NKD1: variants seen among roughly 807,000 people sequenced by gnomAD.
NKD1 encodes NKD inhibitor of Wnt signaling pathway 1.
Under a neutral mutation model 56.0 loss-of-function variants are expected in NKD1, and 21 were observed. The observed-to-expected ratio is 0.38, with a 90% CI of 0.27 to 0.54. NKD1 has a LOEUF of 0.54. NKD1 is among the 20% of genes least tolerant of loss of function. The pLI is 0.82. For missense variants in NKD1, 578 were observed against 642.7 expected (o/e 0.90, Z 1.09); for synonymous variants, 263 against 265.7 (o/e 0.99, Z 0.10).
At chr16:50,550,802 G>A (rs1256162757) in intron 3 of NKD1, among the ~76,000 whole-genome samples, 3 of 152,076 alleles carry the variant, frequency 2.0e-5, no homozygotes, top group Non-Finnish European at 4.4e-5. Context: ...CAACGAAAAC[G>A]GTCTAATTTA....
chr16:50,605,757 G>T (rs1295387245), intron 3 of NKD1, among the ~76,000 whole-genome samples: 2 of 152,192 alleles, frequency 1.3e-5, no homozygotes, highest in Non-Finnish European at 2.9e-5. Flanking sequence ...GCCTCAGGGA[G>T]TTTTGGAACC....
chr16:50,573,381 C>G (rs1960925644), intron 3 of NKD1, among the ~76,000 whole-genome samples: 1 of 152,240 alleles, frequency 6.6e-6, no homozygotes, highest in Non-Finnish European at 1.5e-5. Flanking sequence ...ATTCCCTGTT[C>G]CTTCTCCCCC....
At chr16:50,554,844 T>A (rs1318082034) in intron 3 of NKD1, among the ~76,000 whole-genome samples, 2 of 152,126 alleles carry the variant, frequency 1.3e-5, no homozygotes, top group African/African-American at 4.8e-5. Flanking sequence ...TGGATTGAAC[T>A]CCTGGCCTCA....
chr16:50,606,441 G>A (rs1432272562), intron 3 of NKD1: 2 of 282,354 alleles, frequency 7.1e-6, no homozygotes, highest in Non-Finnish European at 1.4e-5. Context: ...TCCAGAGCAG[G>A]GTACTGTTGA....
chr16:50,616,641 G>C (rs1224097876), intron 4 of NKD1, among the ~76,000 whole-genome samples: 1 of 152,318 alleles, frequency 6.6e-6, no homozygotes, highest in East Asian at 1.9e-4. Flanking sequence ...GAAGGCGCCA[G>C]ATCTCAAGAA....
intron 3 of NKD1, among the ~76,000 whole-genome samples, chr16:50,580,096 G>A (rs1253446471): frequency 6.6e-6 from 1 of 152,016 alleles, no homozygotes; most frequent in Non-Finnish European, 1.5e-5. Context: ...AACCCACTAA[G>A]CATGCACCCC....
intron 3 of NKD1, among the ~76,000 whole-genome samples, chr16:50,603,266 C>T (rs1042304975): frequency 6.6e-6 from 1 of 152,222 alleles, no homozygotes; most frequent in Non-Finnish European, 1.5e-5. Flanking sequence ...ACTGCCAGGT[C>T]GATCTGGACG....
rs1216226999 is a variant in NKD1, at chr16:50,648,390, C to T, written c.*14609C>T. 4 of 152,840 alleles carry T rather than the reference C, an allele frequency of 2.6e-5. No individual in the cohort carries two copies. Among genetic ancestry groups the T allele is most frequent in the Non-Finnish European group, 4.4e-5 (3 of 68,072 alleles). 9.5% of individuals were successfully genotyped at this position (152,840 alleles called of 1,614,324 possible). On this transcript the variant is annotated 3_prime_UTR_variant, in exon 10 of 10. Coordinates refer to ENST00000268459, the MANE Select transcript of NKD1 (RefSeq NM_033119.5). ...TTCTGCCCCATCCACTAGACAAAAG[C>T]TGACTCTGGAAAACATTAGGCACTC...
rs1157950262 is a variant in NKD1 at position 50,621,454 on chromosome 16, T to A, written c.260-148T>A. 4 of 587,786 alleles carry A rather than the reference T, an allele frequency of 6.8e-6. No homozygotes were observed. In the African/African-American group the frequency reaches 7.5e-5, roughly 11 times the overall value. The allele number at this position is 587,786 out of a possible 1,614,324, so 36.4% of individuals were successfully genotyped here. A position where few individuals can be genotyped will look rare whatever the true frequency, so the allele number is the denominator to read the frequency against. On this transcript the variant is annotated intron_variant, in intron 4 of 9. Coordinates refer to ENST00000268459, the MANE Select transcript of NKD1 (RefSeq NM_033119.5). The stretch of plus-strand genomic sequence containing the variant: ...TACCAGGTGCCAGAGTAGTGTGATG[T>A]TGACCCCAGCAAATGGGCAGGGCAG...
chr16:50,574,660 T>TCCCCTC (rs1366338681), intron 3 of NKD1: 8 of 984,874 alleles, frequency 8.1e-6, no homozygotes, highest in Non-Finnish European at 9.6e-6. Context: ...AGCCAGGGGG[T>TCCCCTC]CCCCTCCCCA....
chr16:50,566,312 T>C (rs1960758185), intron 3 of NKD1: 2 of 350,610 alleles, frequency 5.7e-6, no homozygotes. Flanking sequence ...CATCTCTGCT[T>C]TCTTTTAGAT....
In NKD1 at chr16:50,637,611, A is replaced by G. The variant is rs970211040; in HGVS notation, c.*3830A>G. ...TACTGAATAATGAGGAATCAAAGGA[A>G]GAAGAAGAAAGAGAGAGGAAGGAAG... On this transcript the variant is annotated 3_prime_UTR_variant, in exon 10 of 10. Transcript: ENST00000268459. 6.6e-6 allele frequency: 1 copy of G among 152,280 alleles called. No homozygotes were observed. The highest frequency in any genetic ancestry group is 2.4e-5 in the African/African-American group (1 of 41,456). The allele number at this position is 152,280 out of a possible 1,614,324, so 9.4% of individuals were successfully genotyped here. A position where few individuals can be genotyped will look rare whatever the true frequency, so the allele number is the denominator to read the frequency against.
chr16:50,618,989 G>A (rs1009623565), intron 4 of NKD1, among the ~76,000 whole-genome samples: 2 of 152,106 alleles, frequency 1.3e-5, no homozygotes, highest in Admixed American at 1.3e-4. Context: ...GAGAGAGCAG[G>A]GACAGAGGTT....
chr16:50,606,855 TTC>T (rs1961723112), intron 3 of NKD1: 1 of 456,636 alleles, frequency 2.2e-6, no homozygotes, highest in Non-Finnish European at 4.4e-6. Flanking sequence ...CCCGTCTCTC[TTC>T]TGCATGAAAG....
intron 6 of NKD1, among the ~76,000 whole-genome samples, chr16:50,627,368 C>T (rs905558049): frequency 5.3e-5 from 8 of 152,182 alleles, no homozygotes; most frequent in Admixed American, 1.3e-4. Flanking sequence ...TTTCAACCTG[C>T]GTTGTCCTTC....
At chr16:50,548,667 CCCGCCGCCGCGGCTG>C (rs1960293600) in intron 1 of NKD1, 35 bp from the exon 2 acceptor site, 8 of 1,465,760 alleles carry the variant, frequency 5.5e-6, no homozygotes, top group Admixed American at 2.5e-5. Context: ...CTTTCCTTCT[CCCGCCGCCGCGGCTG>C]CCGCCGCCGC....
At chr16:50,569,321 T>A (rs374019249) in intron 3 of NKD1, among the ~76,000 whole-genome samples, 3 of 152,212 alleles carry the variant, frequency 2.0e-5, no homozygotes, top group Admixed American at 6.5e-5. Context: ...CTTGTGCAGT[T>A]TCGCCCATGA....
intron 4 of NKD1, among the ~76,000 whole-genome samples, chr16:50,614,856 A>G (rs1961925577): frequency 6.6e-6 from 1 of 152,208 alleles, no homozygotes. Context: ...ATGACCACAT[A>G]AACACCTTGC....
At chr16:50,599,892 G>A (rs1464870189) in intron 3 of NKD1, among the ~76,000 whole-genome samples, 1 of 152,160 alleles carries the variant, frequency 6.6e-6, no homozygotes, top group South Asian at 2.1e-4. Context: ...TCTGTTGTTG[G>A]TGTTGGTGTT....
Sources: allele counts gnomAD v4.1 joint callset (sites outside exome capture counted in the v4.1 genomes callset), GRCh38; gene constraint gnomAD v4.1.1; transcripts MANE v1.5; gene names NCBI Gene and HGNC (gene_info 2026-07-23, HGNC 2026-07-21).